LYRM4: variants seen among roughly 807,000 people sequenced by gnomAD.
LYRM4 encodes LYR motif-containing protein 4.
A neutral mutation model predicts 11.7 loss-of-function variants in LYRM4; 9 were observed. The ratio of observed to expected loss-of-function variants is 0.77; its 90% confidence interval spans 0.46 to 1.34. LYRM4 has a LOEUF of 1.34. Ranked by LOEUF, LYRM4 falls within the 40% of genes most tolerant of loss-of-function variation. The pLI, the probability that LYRM4 is intolerant of heterozygous loss-of-function variation, is 0.00. For missense variants in LYRM4, 133 were observed against 112.5 expected, an observed-to-expected ratio of 1.18 and a Z score of -0.82; for synonymous variants, 42 against 40.4, an observed-to-expected ratio of 1.04 and a Z score of -0.15.
chr6:5,169,189 G>A (rs1041338728), intron 2 of LYRM4, among the ~76,000 whole-genome samples: 11 of 152,106 alleles, frequency 7.2e-5, no homozygotes, highest in African/African-American at 2.7e-4. Flanking sequence ...TCAGCCTCTA[G>A]AGTAGCGGTG....
rs960103810 is a variant in LYRM4, at chr6:5,247,525, G to C, written c.86+13123C>G. Among the ~76,000 whole-genome samples, 3 of 152,186 alleles carry C rather than the reference G, an allele frequency of 2.0e-5. No homozygotes were observed. In the East Asian group the frequency reaches 5.8e-4, roughly 29 times the overall value. On this transcript the variant is annotated intron_variant, in intron 1 of 2. Transcript: ENST00000330636. ...TCTGGTTAAAACAATATCACTCTTA[G>C]GAATCAGATGTGGAGGAGAGTTAAC...
the LYRM4 span, chr6:5,085,818 C>T: frequency 9.2e-6 from 14 of 1,527,240 alleles, no homozygotes; most frequent in Middle Eastern, 2.1e-4. Flanking sequence ...CACTGGGCGG[C>T]GAGGGGGCGG....
chr6:5,064,258 G>A, the LYRM4 span, among the ~76,000 whole-genome samples: 14 of 151,876 alleles, frequency 9.2e-5, no homozygotes, highest in African/African-American at 1.7e-4. Flanking sequence ...CACCTAGCCC[G>A]GAAAAGTTCT....
chr6:5,154,776 G>A (rs1039032002), intron 2 of LYRM4, among the ~76,000 whole-genome samples: 86 of 152,114 alleles, frequency 5.7e-4, no homozygotes, highest in Admixed American at 1.8e-3. Context: ...CCGGGATCGC[G>A]CCACTGCACT....
chr6:5,086,537 A>G, the LYRM4 span: 2 of 1,529,682 alleles, frequency 1.3e-6, no homozygotes, highest in Non-Finnish European at 1.8e-6. Context: ...ACGCTGCGCT[A>G]CGCGCGCCCT....
downstream of LYRM4, among the ~76,000 whole-genome samples, chr6:5,102,300 C>A (rs554060369): frequency 6.6e-6 from 1 of 152,204 alleles, no homozygotes; most frequent in East Asian, 1.9e-4. Context: ...GTGTCTTTGG[C>A]AATTCTTGAC....
intron 2 of LYRM4, chr6:5,144,094 G>C: frequency 6.6e-7 from 1 of 1,516,264 alleles, no homozygotes. Context: ...TTAGAGAGGT[G>C]AGAGCGATCT....
the LYRM4 span, chr6:5,086,415 G>A: frequency 6.5e-7 from 1 of 1,536,308 alleles, no homozygotes; most frequent in East Asian, 2.4e-5. Flanking sequence ...CCCCGGGCCT[G>A]CAGCCTGAGG....
rs1424317031 is a variant in LYRM4, at chr6:5,109,176, C to T, written c.*247G>A. 2.4e-5 allele frequency: 33 copies of T among 1,350,752 alleles called. No homozygotes were observed. Among genetic ancestry groups the T allele is most frequent in the African/African-American group, 4.4e-5 (3 of 68,520 alleles). The allele number at this position is 1,350,752 out of a possible 1,614,324, so 83.7% of individuals were successfully genotyped here. A position where few individuals can be genotyped will look rare whatever the true frequency, so the allele number is the denominator to read the frequency against. On this transcript the variant is annotated 3_prime_UTR_variant, in exon 3 of 3. Coordinates refer to ENST00000330636, the MANE Select transcript of LYRM4 (RefSeq NM_020408.6). ...AGGTAGGAATGGGGTGCAGGGGAGA[C>T]GTGGTAACACACAGCACTATTCTGA...
chr6:5,179,242 G>A (rs1420683543), intron 2 of LYRM4, among the ~76,000 whole-genome samples: 1 of 152,076 alleles, frequency 6.6e-6, no homozygotes, highest in Non-Finnish European at 1.5e-5. Context: ...TTTAAAAAGT[G>A]TTTAATTATT....
At chr6:5,059,953 A>C in the LYRM4 span, among the ~76,000 whole-genome samples, 1 of 152,158 alleles carries the variant, frequency 6.6e-6, no homozygotes, top group Admixed American at 6.5e-5. Context: ...GGCATGAGAC[A>C]TGACACCTGG....
At chr6:5,033,739 C>T in the LYRM4 span, 3 of 152,502 alleles carry the variant, frequency 2.0e-5, no homozygotes, top group Admixed American at 2.0e-4. Flanking sequence ...GCCAGCCTGT[C>T]ACTTGGCAGC....
intron 1 of LYRM4, among the ~76,000 whole-genome samples, chr6:5,231,690 T>C (rs1763251540): frequency 6.6e-6 from 1 of 152,186 alleles, no homozygotes; most frequent in Non-Finnish European, 1.5e-5. Flanking sequence ...CTTAGCCTCT[T>C]TTATCTGCTG....
At chr6:5,157,535 A>T (rs1350203709) in intron 2 of LYRM4, among the ~76,000 whole-genome samples, 1 of 152,112 alleles carries the variant, frequency 6.6e-6, no homozygotes, top group Admixed American at 6.6e-5. Flanking sequence ...AGAAGACTGA[A>T]ATCTTACATT....
chr6:5,082,093 T>C, the LYRM4 span, among the ~76,000 whole-genome samples: 7 of 152,148 alleles, frequency 4.6e-5, no homozygotes. Flanking sequence ...TCAAGCAAAG[T>C]GTTTTCCTGA....
chr6:5,260,727 C>T lies in LYRM4; in HGVS notation c.7G>A (p.Ala3Thr), dbSNP rs1301142742. Residue 3 changes from alanine to threonine, a missense_variant, in exon 1 of 3, where the codon GCC becomes ACC. Physicochemically the swap from Ala to Thr is moderately conservative, Grantham distance 58. Transcript: ENST00000330636. ...GATAACACTTGTGCGCGACTGGAGG[C>T]TGCCATTTTGGAAAGAAAAAAAAAT... is the stretch of plus-strand genomic sequence containing the variant. MA[A>T]SSRAQVLSLY... The T allele has an allele frequency of 1.9e-6, 3 of 1,549,406 alleles. No homozygotes were observed. The Middle Eastern group carries it at 5.0e-4, about 260-fold the overall frequency.
At chr6:5,103,800 A>G (rs1225634602), downstream of LYRM4, 1 of 151,556 alleles carries the variant, frequency 6.6e-6, no homozygotes, top group Non-Finnish European at 1.5e-5. Flanking sequence ...ACGCCTGGCT[A>G]ATTTTTTTTG....
intron 2 of LYRM4, among the ~76,000 whole-genome samples, chr6:5,158,308 T>G (rs1449022507): frequency 3.9e-5 from 6 of 152,156 alleles, no homozygotes; most frequent in Non-Finnish European, 8.8e-5. Context: ...CAGAAAAACC[T>G]TGGGCAAGTA....
chr6:5,120,187 GCCT>G (rs1763366830), intron 2 of LYRM4, among the ~76,000 whole-genome samples: 1 of 152,160 alleles, frequency 6.6e-6, no homozygotes, highest in African/African-American at 2.4e-5. Flanking sequence ...GAGGCACGGT[GCCT>G]GGCCGGGAAT....
Sources: allele counts gnomAD v4.1 joint callset (sites outside exome capture counted in the v4.1 genomes callset), GRCh38; gene constraint gnomAD v4.1.1; transcripts MANE v1.5; gene names NCBI Gene and HGNC (gene_info 2026-07-23, HGNC 2026-07-21).